The following FLNB variants were observed in gnomAD, a reference collection of about 807,000 sequenced individuals.
FLNB encodes the protein filamin-B.
Under a neutral mutation model 250.6 loss-of-function variants are expected in FLNB, and 111 were observed. The observed-to-expected ratio is 0.44, with a 90% CI of 0.38 to 0.52. The LOEUF (loss-of-function observed/expected upper bound fraction) is 0.52. Ranked by LOEUF, FLNB falls within the 20% of genes least tolerant of loss-of-function variation. The pLI is 0.00. For synonymous variants in FLNB, 1,302 were observed against 1,372.1 expected (o/e 0.95, Z 1.13); for missense variants, 2,869 against 3,447.8 (o/e 0.83, Z 4.20).
intron 4 of FLNB, among the ~76,000 whole-genome samples, chr3:58,089,465 G>A (rs893299713): frequency 1.3e-5 from 2 of 150,502 alleles, no homozygotes; most frequent in Non-Finnish European, 1.5e-5. Flanking sequence ...AGAATCGCTT[G>A]AAACTGGGAG....
At position 58,169,438 on chromosome 3, in the gene FLNB, A is replaced by T; in HGVS notation, c.7418-152A>T. 1.4e-6 allele frequency: 1 copy of T among 704,510 alleles called. No individual in the cohort carries two copies. Among genetic ancestry groups the T allele is most frequent in the East Asian group, 2.6e-5 (1 of 38,008 alleles). 43.6% of individuals were successfully genotyped at this position (704,510 alleles called of 1,614,324 possible). A position where few individuals can be genotyped will look rare whatever the true frequency, so the allele number is the denominator to read the frequency against. ...GTGGGATCCTAGGGGTTTAGAAGAC[A>T]TTATGGGTGTGAGATACAGGTGTGG... On this transcript the variant is annotated intron_variant, in intron 44 of 45. Coordinates refer to ENST00000295956, the MANE Select transcript of FLNB (RefSeq NM_001457.4). This position sits in a 1 kb window ranked among gnomAD's most constrained non-coding sequence, Gnocchi z 4.8.
chr3:58,166,646 C>T (rs901371859), intron 43 of FLNB, among the ~76,000 whole-genome samples: 3 of 151,952 alleles, frequency 2.0e-5, no homozygotes, highest in Non-Finnish European at 4.4e-5. Flanking sequence ...CACAGCAAAA[C>T]CCCATCTCTA....
intron 1 of FLNB, among the ~76,000 whole-genome samples, chr3:58,011,964 AC>A (rs1430308852): frequency 2.6e-5 from 4 of 152,176 alleles, no homozygotes; most frequent in African/African-American, 9.7e-5. Flanking sequence ...TAATCCCAGC[AC>A]TTTAGGAGGC....
intron 27 of FLNB, among the ~76,000 whole-genome samples, chr3:58,135,478 G>C (rs975882626): frequency 6.6e-6 from 1 of 152,234 alleles, no homozygotes. Context: ...GGTCCTCCCA[G>C]CTCAGTGGGC....
At chr3:58,148,181 G>A in intron 34 of FLNB, 25 bp from the exon 35 acceptor site, 3 of 1,614,102 alleles carry the variant, frequency 1.9e-6, no homozygotes, top group Admixed American at 1.7e-5. Flanking sequence ...TGTAACGGGA[G>A]TCCTTTTTGG....
At chr3:58,160,663 G>A (rs1271423845) in intron 42 of FLNB, among the ~76,000 whole-genome samples, 1 of 152,166 alleles carries the variant, frequency 6.6e-6, no homozygotes, top group Non-Finnish European at 1.5e-5. Flanking sequence ...TAGGGCATTT[G>A]TTGTGTGCCT....
At chr3:58,010,067 A>G (rs1247088247) in intron 1 of FLNB, among the ~76,000 whole-genome samples, 1 of 145,716 alleles carries the variant, frequency 6.9e-6, no homozygotes, top group Non-Finnish European at 1.5e-5. Context: ...GAATGTATGC[A>G]GAGAATGTGT....
intron 1 of FLNB, among the ~76,000 whole-genome samples, chr3:58,053,257 G>T (rs1407270779): frequency 2.0e-5 from 3 of 152,108 alleles, no homozygotes; most frequent in Non-Finnish European, 4.4e-5. Flanking sequence ...TTATTTTTTA[G>T]AAAGTTAGAG....
intron 22 of FLNB, among the ~76,000 whole-genome samples, chr3:58,124,786 C>T (rs554407817): frequency 2.0e-5 from 3 of 152,064 alleles, no homozygotes; most frequent in East Asian, 1.9e-4. Context: ...TTTTTCTTTG[C>T]GTATGAATTT....
intron 1 of FLNB, among the ~76,000 whole-genome samples, chr3:58,050,099 G>C (rs1425743980): frequency 6.9e-6 from 1 of 145,616 alleles, no homozygotes; most frequent in Admixed American, 7.0e-5. Flanking sequence ...GCATGATCTT[G>C]GCTCACCGCA....
chr3:58,147,367 A>G (rs1014936844), intron 34 of FLNB, among the ~76,000 whole-genome samples: 2 of 152,202 alleles, frequency 1.3e-5, no homozygotes, highest in Admixed American at 1.3e-4. Context: ...TATCCCTTTT[A>G]CAGATGGGAA....
chr3:58,079,351 C>G (rs1489153233), intron 3 of FLNB, among the ~76,000 whole-genome samples: 4 of 151,260 alleles, frequency 2.6e-5, no homozygotes, highest in Non-Finnish European at 5.9e-5. Context: ...CTCCCGGGTT[C>G]AAGCAATTCT....
At chr3:58,114,696 GT>G (rs71091347) in intron 18 of FLNB, among the ~76,000 whole-genome samples, 1 of 144,520 alleles carries the variant, frequency 6.9e-6, no homozygotes, top group African/African-American at 2.7e-5. Flanking sequence ...GCTAACATTT[GT>G]TTTTTTTCTG....
chr3:58,081,216 C>G (rs369494848), intron 3 of FLNB, among the ~76,000 whole-genome samples: 1 of 152,080 alleles, frequency 6.6e-6, no homozygotes, highest in Non-Finnish European at 1.5e-5. Flanking sequence ...CATGAGTATA[C>G]AAGCAAAGGA....
chr3:58,126,955 C>T (rs993497320), intron 24 of FLNB, among the ~76,000 whole-genome samples, 193 bp downstream of exon 24: 3 of 152,152 alleles, frequency 2.0e-5, no homozygotes, highest in Admixed American at 6.5e-5. Flanking sequence ...CAAAAAGCAT[C>T]GGCTTAGAAT....
intron 28 of FLNB, among the ~76,000 whole-genome samples, chr3:58,137,054 C>G (rs2097317440): frequency 6.6e-6 from 1 of 152,172 alleles, no homozygotes; most frequent in Non-Finnish European, 1.5e-5. Flanking sequence ...CCTTGGGCAG[C>G]TCAGTGCTGC....
chr3:58,065,648 T>C (rs2097184435), intron 1 of FLNB, among the ~76,000 whole-genome samples: 1 of 152,188 alleles, frequency 6.6e-6, no homozygotes, highest in African/African-American at 2.4e-5. Context: ...TTGGTTGCTG[T>C]GGATCTAAGG....
intron 33 of FLNB, among the ~76,000 whole-genome samples, chr3:58,146,496 C>A (rs1293323871): frequency 6.6e-6 from 1 of 152,214 alleles, no homozygotes; most frequent in Non-Finnish European, 1.5e-5. Flanking sequence ...CAATCCACCT[C>A]TGCCCTCCAC....
rs781155126 is a variant in FLNB, at chr3:58,109,584, C to T, written c.2208C>T (p.Ile736=). The change falls in exon 15 of 46, where the codon ATC becomes ATT. Residue 736 remains isoleucine, a synonymous_variant. Coordinates refer to ENST00000295956, the MANE Select transcript of FLNB (RefSeq NM_001457.4). ...NIPHSPYRVN[I]GQGSHPQKVK... is the part of the protein sequence containing the mutation. ...CTCCATGTCTTCTCTAGGTCAACAT[C>T]GGGCAAGGTAGCCATCCTCAGAAGG... The T allele has an allele frequency of 1.1e-5, 17 of 1,614,180 alleles. No individual in the cohort carries two copies. Among genetic ancestry groups the T allele is most frequent in the South Asian group, 8.8e-5 (8 of 91,070 alleles).
Sources: allele counts gnomAD v4.1 joint callset (sites outside exome capture counted in the v4.1 genomes callset), GRCh38; gene constraint gnomAD v4.1.1; non-coding constraint Gnocchi (gnomAD v3.1); transcripts MANE v1.5; gene names NCBI Gene and HGNC (gene_info 2026-07-23, HGNC 2026-07-21).